TMEM131: variants seen among roughly 807,000 people sequenced by gnomAD.
TMEM131 encodes the protein transmembrane protein 131, also known as 2610524E03Rik.
In TMEM131, 66 loss-of-function variants were observed where a neutral mutation model predicts 211.6. That is an observed-to-expected ratio of 0.31 (90% CI 0.26 to 0.38). TMEM131 has a LOEUF of 0.38. Among genes scored for constraint, TMEM131 ranks in the 10% least tolerant of loss-of-function variants. TMEM131 has a pLI of 1.00. For synonymous variants in TMEM131, 844 were observed against 841.3 expected, an observed-to-expected ratio of 1.00 and a Z score of -0.06; for missense variants, 2,036 against 2,299.3, an observed-to-expected ratio of 0.89 and a Z score of 2.34.
chr2:97,946,394 T>C (rs1385098916), intron 1 of TMEM131, among the ~76,000 whole-genome samples: 2 of 151,926 alleles, frequency 1.3e-5, no homozygotes, highest in Non-Finnish European at 2.9e-5. Context: ...AGAAGCCAGG[T>C]ATTGTGAACA....
intron 1 of TMEM131, among the ~76,000 whole-genome samples, chr2:97,930,560 T>C (rs1212076522): frequency 4.0e-5 from 6 of 151,820 alleles, no homozygotes; most frequent in African/African-American, 1.2e-4. Flanking sequence ...CCTTAAAAGA[T>C]GTAGAGATAA....
At chr2:97,766,043 G>T in intron 35 of TMEM131, 71 bp downstream of exon 35, 1 of 1,576,868 alleles carries the variant, frequency 6.3e-7, no homozygotes, top group South Asian at 1.2e-5. Context: ...TGCCCCTGAA[G>T]AGTTCCATGC....
intron 1 of TMEM131, among the ~76,000 whole-genome samples, chr2:97,962,189 T>C (rs1678846667): frequency 6.6e-6 from 1 of 152,042 alleles, no homozygotes; most frequent in Non-Finnish European, 1.5e-5. Flanking sequence ...AAATATTTAC[T>C]CTCAAAAAAC....
intron 32 of TMEM131, among the ~76,000 whole-genome samples, chr2:97,773,619 C>G (rs569146553): frequency 2.0e-5 from 3 of 151,886 alleles, no homozygotes; most frequent in African/African-American, 7.2e-5. Context: ...CCTGTCTCCC[C>G]AACAGGGTAC....
At chr2:97,834,573 T>TA (rs34454073) in intron 10 of TMEM131, 48 bp downstream of exon 10, 153,028 of 1,208,764 alleles carry the variant, frequency 0.13, 157 homozygotes, top group East Asian at 0.21. Flanking sequence ...ATACAGGGGT[T>TA]AAAAAAAAAA....
At position 97,814,223 on chromosome 2, in the gene TMEM131, T is replaced by C. The variant is rs1485594318; in HGVS notation, c.1446+12A>G. The C allele has an allele frequency of 1.9e-6, 3 of 1,613,188 alleles. No individual in the cohort carries two copies. The Admixed American group carries it at 5.0e-5, about 27-fold the overall frequency. On this transcript the variant is annotated intron_variant, in intron 14 of 40. Coordinates refer to ENST00000186436, the MANE Select transcript of TMEM131 (RefSeq NM_015348.2). ...CCAGGAAAATTAAAAGTATGAGGGC[T>C]CCTGGACATACTTTAAACATTGTTT...
intron 7 of TMEM131, among the ~76,000 whole-genome samples, chr2:97,839,681 C>A (rs965615742): frequency 6.6e-6 from 1 of 152,162 alleles, no homozygotes; most frequent in Non-Finnish European, 1.5e-5. Context: ...GTGGTGTCCA[C>A]GAGGAAGGGC....
intron 25 of TMEM131, among the ~76,000 whole-genome samples, chr2:97,799,064 C>T (rs1422638960): frequency 6.6e-6 from 1 of 152,130 alleles, no homozygotes; most frequent in Non-Finnish European, 1.5e-5. Flanking sequence ...TCTCAGGGAT[C>T]CTGTCAGAGT....
At position 97,760,858 on chromosome 2, in the gene TMEM131, G is replaced by A. The variant is rs1454589542; in HGVS notation, c.4946C>T (p.Ser1649Leu). The change falls in exon 37 of 41, where the codon TCG becomes TTG. Residue 1649 changes from serine (S) to leucine (L), a missense_variant. Physicochemically the swap from Ser to Leu is moderately radical, Grantham distance 145. Coordinates refer to ENST00000186436, the MANE Select transcript of TMEM131 (RefSeq NM_015348.2). ...GSKHKLTKAA[S>L]LPGKNGNPTF... is the part of the protein sequence containing the mutation. ...GGGGTTGCCGTTCTTGCCCGGGAGC[G>A]AGGCTGCCTTTGTCAACTTGTGTTT... 9 of 1,614,000 alleles carry A rather than the reference G, an allele frequency of 5.6e-6. No homozygotes were observed. The highest frequency in any genetic ancestry group is 1.3e-5 in the African/African-American group (1 of 75,048).
chr2:97,802,441 T>C lies in TMEM131; in HGVS notation c.2638A>G (p.Lys880Glu), dbSNP rs373640363. The change falls in exon 24 of 41, where the codon AAG becomes GAG. Residue 880 changes from lysine to glutamate, a missense_variant. By Grantham distance (56) the Lys-to-Glu change is moderately conservative. Around this residue, in one of 3 missense-constraint regions of TMEM131, gnomAD observed 1,623 missense variants for 1,805.9 expected, o/e 0.90. Transcript: ENST00000186436. ...AGCAATACTTACCTTGATACTAACTTATCTACAAACACTGAAGGGTTGGAA... is the reference window on the plus strand; with the variant it reads ...AGCAATACTTACCTTGATACTAACTCATCTACAAACACTGAAGGGTTGGAA... ...LYSNPSVFVDKLVSRFNLSKV... is the reference protein window; with the variant it reads ...LYSNPSVFVDELVSRFNLSKV... 1.1e-5 allele frequency: 18 copies of C among 1,605,930 alleles called. No individual in the cohort carries two copies. The African/African-American group carries it at 2.0e-4, about 18-fold the overall frequency.
In TMEM131 at chr2:97,775,838, C is replaced by T; in HGVS notation, c.4320+5G>A. The stretch of plus-strand genomic sequence containing the variant: ...CGTGTTTTGTTGTGTGAGATCAGCC[C>T]GTACCTCCTTGAGGAGCGGTTCTGT... On this transcript the variant is annotated splice_donor_5th_base_variant and intron_variant, in intron 32 of 40. Transcript: ENST00000186436. 5 of 1,611,972 alleles carry T rather than the reference C, an allele frequency of 3.1e-6. No homozygotes were observed. Among genetic ancestry groups the T allele is most frequent in the Non-Finnish European group, 4.2e-6 (5 of 1,179,268 alleles).
chr2:97,949,817 CAAA>C (rs386390704), intron 1 of TMEM131, among the ~76,000 whole-genome samples: 2 of 66,978 alleles, frequency 3.0e-5, no homozygotes, highest in African/African-American at 5.8e-5. Flanking sequence ...GAGACTGTCT[CAAA>C]AAAAAAAAAA....
At chr2:97,867,010 T>A (rs1206467161) in intron 4 of TMEM131, among the ~76,000 whole-genome samples, 1 of 152,218 alleles carries the variant, frequency 6.6e-6, no homozygotes, top group African/African-American at 2.4e-5. Context: ...ACAAAAAAAT[T>A]CAGATTTTGG....
Position 97,818,741 on chromosome 2 carries a change from A to T in TMEM131, c.1075-20T>A. 6.8e-7 allele frequency: 1 copy of T among 1,468,728 alleles called. No individual in the cohort carries two copies. The highest frequency in any genetic ancestry group is 9.4e-7 in the Non-Finnish European group (1 of 1,059,552). 91.0% of individuals were successfully genotyped at this position (1,468,728 alleles called of 1,614,324 possible). The stretch of plus-strand genomic sequence containing the variant: ...AACACTCTGCAAAGAGAACAAAAAT[A>T]CATACATGGCATTATTTCAGACTAA... On this transcript the variant is annotated intron_variant, in intron 11 of 40. Transcript: ENST00000186436.
At chr2:97,822,833 G>A (rs1682195330) in intron 11 of TMEM131, among the ~76,000 whole-genome samples, 1 of 152,058 alleles carries the variant, frequency 6.6e-6, no homozygotes, top group Non-Finnish European at 1.5e-5. Flanking sequence ...AAACACTCAG[G>A]CATCAACAGG....
intron 1 of TMEM131, among the ~76,000 whole-genome samples, chr2:97,969,154 T>C (rs1190624011): frequency 2.0e-5 from 3 of 152,050 alleles, no homozygotes; most frequent in Non-Finnish European, 4.4e-5. Context: ...AACTAACTCA[T>C]TTAAGAGCAA....
At chr2:97,885,316 C>T (rs983607468) in intron 4 of TMEM131, among the ~76,000 whole-genome samples, 15 of 150,240 alleles carry the variant, frequency 1.0e-4, no homozygotes, top group African/African-American at 1.7e-4. Flanking sequence ...CTCAGCCTCC[C>T]GAGTAGCTGG....
At chr2:97,893,226 CT>C in intron 3 of TMEM131, among the ~76,000 whole-genome samples, 1 of 152,192 alleles carries the variant, frequency 6.6e-6, no homozygotes, top group East Asian at 1.9e-4. Context: ...TGAACTCACC[CT>C]TTTTAATGGC....
chr2:97,759,555 G>T, intron 39 of TMEM131, 97 bp downstream of exon 39: 2 of 1,057,650 alleles, frequency 1.9e-6, no homozygotes, highest in Non-Finnish European at 2.8e-6. Context: ...CTTCCACAGT[G>T]CTGCTGTGCT....
Sources: gnomAD v4.1 joint callset for allele counts (sites outside exome capture counted in the v4.1 genomes callset) on GRCh38, gnomAD v4.1.1 for gene constraint, gnomAD v4.1.1 regional missense constraint, MANE v1.5 for transcripts, NCBI Gene and HGNC (gene_info 2026-07-23, HGNC 2026-07-21) for gene names.